The following CDK6 variants were observed in gnomAD, a reference collection of about 807,000 sequenced individuals.
CDK6 encodes the protein cyclin-dependent kinase 6.
A neutral mutation model predicts 37.1 loss-of-function variants in CDK6; 6 were observed. The ratio of observed to expected loss-of-function variants is 0.16; its 90% CI spans 0.09 to 0.32. The LOEUF is 0.32. Among genes scored for constraint, CDK6 ranks in the 10% least tolerant of loss-of-function variants. CDK6 has a pLI of 1.00. For synonymous variants in CDK6, 160 were observed against 161.3 expected (o/e 0.99, Z 0.06); for missense variants, 224 against 418.9 (o/e 0.53, Z 4.06).
At chr7:92,662,402 A>G (rs1369059641) in intron 5 of CDK6, among the ~76,000 whole-genome samples, 12 of 151,880 alleles carry the variant, frequency 7.9e-5, no homozygotes, top group Admixed American at 7.9e-4. Flanking sequence ...AGACCAAAGG[A>G]GGGGAGCTGG....
chr7:92,725,897 C>T (rs961307509), intron 3 of CDK6, 104 bp from the exon 4 acceptor site: 10 of 997,220 alleles, frequency 1.0e-5, no homozygotes, highest in East Asian at 5.1e-5. Flanking sequence ...GCTTGGCATG[C>T]GGCAGGCATT....
chr7:92,825,019 A>G (rs1368953417), intron 2 of CDK6, among the ~76,000 whole-genome samples: 2 of 152,172 alleles, frequency 1.3e-5, no homozygotes, highest in Non-Finnish European at 2.9e-5. Context: ...TCAAACATAT[A>G]TAAATGCAGA....
chr7:92,827,300 T>A (rs1801349293), intron 2 of CDK6, among the ~76,000 whole-genome samples: 1 of 152,204 alleles, frequency 6.6e-6, no homozygotes, highest in South Asian at 2.1e-4. Context: ...AGGAATAATT[T>A]AAGTGGCTAC....
In CDK6 at chr7:92,612,319, G is replaced by C. The variant is rs2285332; in HGVS notation, c.*2821C>G. ...ACCTTGGGGCAATATGCCCTTTTCAGTTCACCACTGCTTAGCTTTTGGCAA... is the reference window on the plus strand; with the variant it reads ...ACCTTGGGGCAATATGCCCTTTTCACTTCACCACTGCTTAGCTTTTGGCAA... On this transcript the variant is annotated 3_prime_UTR_variant, in exon 8 of 8. Coordinates refer to ENST00000424848, the MANE Select transcript of CDK6 (RefSeq NM_001145306.2). The C allele has an allele frequency of 0.33, 75,829 of 232,874 alleles. 14,470 individuals carry two copies. Among genetic ancestry groups the C allele is most frequent in the East Asian group, 0.72 (11,847 of 16,532 alleles). 14.4% of individuals were successfully genotyped at this position (232,874 alleles called of 1,614,324 possible).
chr7:92,685,498 G>T (rs1389433826), intron 4 of CDK6, among the ~76,000 whole-genome samples: 1 of 152,206 alleles, frequency 6.6e-6, no homozygotes, highest in Non-Finnish European at 1.5e-5. Context: ...ACATTTCAAA[G>T]AATGTTACTG....
intron 2 of CDK6, among the ~76,000 whole-genome samples, chr7:92,806,014 A>G (rs775431130): frequency 5.3e-5 from 8 of 152,244 alleles, no homozygotes; most frequent in Non-Finnish European, 1.2e-4. Context: ...TGGTTGCACA[A>G]CAATGTGAAT....
At chr7:92,672,134 C>CATATATATATATATATATAT (rs372523914) in intron 4 of CDK6, among the ~76,000 whole-genome samples, 6 of 65,398 alleles carry the variant, frequency 9.2e-5, no homozygotes, top group African/African-American at 3.5e-4. Flanking sequence ...AAAAGCTGTA[C>CATATATATATATATATATAT]ATATATATAT....
chr7:92,630,229 T>C (rs1796020689), intron 5 of CDK6, among the ~76,000 whole-genome samples: 1 of 152,082 alleles, frequency 6.6e-6, no homozygotes, highest in African/African-American at 2.4e-5. Context: ...GTGACTAGGA[T>C]CCAACTCTTC....
At chr7:92,762,363 A>G (rs1020091620) in intron 3 of CDK6, among the ~76,000 whole-genome samples, 1 of 152,020 alleles carries the variant, frequency 6.6e-6, no homozygotes, top group Non-Finnish European at 1.5e-5. Flanking sequence ...GACCCGGAAT[A>G]TATTTTGGTA....
intron 2 of CDK6, among the ~76,000 whole-genome samples, chr7:92,812,065 G>C (rs961685174): frequency 1.3e-5 from 2 of 152,190 alleles, no homozygotes; most frequent in African/African-American, 4.8e-5. Flanking sequence ...CTTGAACTTG[G>C]GAGGTGGAGA....
At chr7:92,632,175 A>G (rs1796067947) in intron 5 of CDK6, among the ~76,000 whole-genome samples, 1 of 151,400 alleles carries the variant, frequency 6.6e-6, no homozygotes, top group Admixed American at 6.6e-5. Context: ...TCTTGCAAAA[A>G]CTCTAATATT....
chr7:92,806,329 T>C (rs756865418), intron 2 of CDK6, among the ~76,000 whole-genome samples: 1 of 152,170 alleles, frequency 6.6e-6, no homozygotes, highest in Non-Finnish European at 1.5e-5. Flanking sequence ...TCCAGGACTA[T>C]CAAAGACGCC....
At chr7:92,678,823 G>C (rs1017331539) in intron 4 of CDK6, among the ~76,000 whole-genome samples, 7 of 152,298 alleles carry the variant, frequency 4.6e-5, no homozygotes, top group African/African-American at 1.4e-4. Flanking sequence ...TGGCCAATGG[G>C]AAGTCTCGGC....
At chr7:92,689,786 AC>A (rs1797558995) in intron 4 of CDK6, among the ~76,000 whole-genome samples, 2 of 152,032 alleles carry the variant, frequency 1.3e-5, no homozygotes, top group African/African-American at 2.4e-5. Flanking sequence ...CCACAACCTC[AC>A]CAGCATCTGT....
intron 5 of CDK6, among the ~76,000 whole-genome samples, chr7:92,660,796 G>A (rs1317711847): frequency 6.6e-6 from 1 of 152,142 alleles, no homozygotes; most frequent in Non-Finnish European, 1.5e-5. Context: ...GGGGCTGCGG[G>A]ATGAGGGTTC....
chr7:92,658,599 C>G (rs1796762101), intron 5 of CDK6, among the ~76,000 whole-genome samples: 1 of 152,070 alleles, frequency 6.6e-6, no homozygotes, highest in Admixed American at 6.6e-5. Context: ...CTCTCTCTCT[C>G]TCTCTCTCAT....
intron 5 of CDK6, among the ~76,000 whole-genome samples, chr7:92,632,214 A>G (rs1796069162): frequency 6.6e-6 from 1 of 152,128 alleles, no homozygotes; most frequent in Non-Finnish European, 1.5e-5. Flanking sequence ...GCAAAATGAC[A>G]TCTTTCTGAG....
At chr7:92,709,469 C>T (rs1194263184) in intron 4 of CDK6, among the ~76,000 whole-genome samples, 2 of 151,978 alleles carry the variant, frequency 1.3e-5, no homozygotes, top group African/African-American at 4.8e-5. Context: ...TGCTTGTCTC[C>T]TAGATTCACC....
At chr7:92,725,883 G>T in intron 3 of CDK6, 90 bp from the exon 4 acceptor site, 2 of 1,199,298 alleles carry the variant, frequency 1.7e-6, no homozygotes, top group Admixed American at 4.1e-5. Flanking sequence ...AGCATTTTGT[G>T]GCTGCTTGGC....
Sources: gnomAD v4.1 joint callset for allele counts (sites outside exome capture counted in the v4.1 genomes callset) on GRCh38, gnomAD v4.1.1 for gene constraint, MANE v1.5 for transcripts, NCBI Gene and HGNC (gene_info 2026-07-23, HGNC 2026-07-21) for gene names.